Variants in STK39 observed in about 807,000 individuals in gnomAD.
The protein encoded by STK39 is serine/threonine kinase 39.
A neutral mutation model predicts 77.8 loss-of-function variants in STK39; 20 were observed. That is an observed-to-expected ratio of 0.26 (90% confidence interval 0.18 to 0.37). The LOEUF is 0.37. STK39 is among the 10% of genes least tolerant of loss of function. STK39 has a pLI of 1.00. For missense variants in STK39, 479 were observed against 656.5 expected (o/e 0.73, Z 2.95); for synonymous variants, 246 against 234.1 (o/e 1.05, Z -0.47).
chr2:168,227,818 C>T (rs1420272209), intron 1 of STK39, among the ~76,000 whole-genome samples: 1 of 152,058 alleles, frequency 6.6e-6, no homozygotes, highest in African/African-American at 2.4e-5. Flanking sequence ...CCACCACTCT[C>T]GGCTAATTTT....
intron 2 of STK39, among the ~76,000 whole-genome samples, chr2:168,177,805 C>G (rs1688990816): frequency 6.6e-6 from 1 of 152,170 alleles, no homozygotes; most frequent in Non-Finnish European, 1.5e-5. Flanking sequence ...ATGGGTCAGA[C>G]CCATTGGGCA....
intron 5 of STK39, among the ~76,000 whole-genome samples, chr2:168,140,977 C>T (rs1471467576): frequency 2.6e-5 from 4 of 152,020 alleles, no homozygotes; most frequent in Admixed American, 6.6e-5. Context: ...ACAAGCCTGC[C>T]GGTCCAAAAG....
intron 1 of STK39, among the ~76,000 whole-genome samples, chr2:168,193,702 T>C (rs1454799630): frequency 1.3e-5 from 2 of 152,228 alleles, no homozygotes; most frequent in African/African-American, 4.8e-5. Context: ...GTGTTAGGAC[T>C]GTGTTGTATT....
chr2:168,229,724 A>G (rs1036796882), intron 1 of STK39, among the ~76,000 whole-genome samples: 4 of 152,214 alleles, frequency 2.6e-5, no homozygotes, highest in African/African-American at 7.2e-5. Context: ...TGTAGGTGGC[A>G]GGAGAAACAA....
chr2:167,958,808 C>T (rs1399650655), intron 17 of STK39, among the ~76,000 whole-genome samples: 1 of 152,188 alleles, frequency 6.6e-6, no homozygotes, highest in African/African-American at 2.4e-5. Context: ...ACCCTGTTAC[C>T]TTAAAATCTA....
At chr2:167,976,074 A>G (rs1381015778) in intron 16 of STK39, among the ~76,000 whole-genome samples, 3 of 152,204 alleles carry the variant, frequency 2.0e-5, no homozygotes, top group Admixed American at 1.3e-4. Flanking sequence ...ATACAAATCT[A>G]TGGCTCTCCA....
At chr2:168,019,102 C>T (rs1684506342) in intron 14 of STK39, among the ~76,000 whole-genome samples, 1 of 151,966 alleles carries the variant, frequency 6.6e-6, no homozygotes, top group Non-Finnish European at 1.5e-5. Flanking sequence ...CCCCTCAGGG[C>T]TAAAATGGGA....
At position 168,065,386 on chromosome 2, in the gene STK39, T is replaced by G; in HGVS notation, c.1243-5A>C. On this transcript the variant is annotated splice_polypyrimidine_tract_variant and splice_region_variant and intron_variant, in intron 12 of 17. Transcript: ENST00000355999. ...GGTGCTGGCACTCACTGCAATCTGT[T>G]ACGAGAGCCACCGTTACAGCATTCA... 1 of 1,614,012 alleles carries G rather than the reference T, an allele frequency of 6.2e-7. No individual in the cohort carries two copies. The highest frequency in any genetic ancestry group is 8.5e-7 in the Non-Finnish European group (1 of 1,179,884).
chr2:168,013,008 C>T lies in STK39; in HGVS notation c.1430-306G>A, dbSNP rs562000428. 2.6e-5 allele frequency among the ~76,000 whole-genome samples: 4 copies of T among 152,332 alleles called. No individual in the cohort carries two copies. The South Asian group carries it at 8.3e-4, about 32-fold the overall frequency. On this transcript the variant is annotated intron_variant, in intron 15 of 17. Transcript: ENST00000355999. ...TCAAATGCACCTCCAGAAGTTATAA[C>T]TGTTCCCTATGACACTGCTTTTCTT...
intron 8 of STK39, 87 bp from the exon 9 acceptor site, chr2:168,129,845 T>G (rs1020995097): frequency 2.7e-6 from 4 of 1,474,444 alleles, no homozygotes; most frequent in Non-Finnish European, 3.8e-6. Flanking sequence ...CTTAAGAGTA[T>G]TTCTGGAAGA....
chr2:168,070,043 A>C (rs1207986408), intron 12 of STK39, among the ~76,000 whole-genome samples: 18 of 152,226 alleles, frequency 1.2e-4, no homozygotes, highest in Admixed American at 1.2e-3. Context: ...TATTTTTGAC[A>C]AAAAGAGATT....
chr2:168,097,267 AT>A (rs1391860326), intron 10 of STK39, among the ~76,000 whole-genome samples: 6 of 152,346 alleles, frequency 3.9e-5, no homozygotes, highest in African/African-American at 7.2e-5. Flanking sequence ...AGTTGACTGT[AT>A]TTGTTCATGT....
At chr2:168,153,582 T>C (rs1360156296) in intron 5 of STK39, among the ~76,000 whole-genome samples, 1 of 148,688 alleles carries the variant, frequency 6.7e-6, no homozygotes. Context: ...TGATAGAGAG[T>C]ACGCTGATGT....
chr2:167,973,036 A>T (rs938115457), intron 16 of STK39, among the ~76,000 whole-genome samples: 7 of 152,230 alleles, frequency 4.6e-5, no homozygotes, highest in Non-Finnish European at 7.3e-5. Flanking sequence ...TTAAAAAATT[A>T]AAAACTGACA....
At chr2:168,035,339 A>G (rs1684924681) in intron 14 of STK39, among the ~76,000 whole-genome samples, 1 of 152,244 alleles carries the variant, frequency 6.6e-6, no homozygotes, top group Non-Finnish European at 1.5e-5. Context: ...ACAAATATAT[A>G]GCTACTACTT....
chr2:168,069,687 G>A (rs77565840), intron 12 of STK39, among the ~76,000 whole-genome samples: 18,293 of 152,278 alleles, frequency 0.12, 1,409 homozygotes, highest in Non-Finnish European at 0.17. Context: ...TTCCTAGCCA[G>A]TCCTTGATCC....
At chr2:168,197,904 G>A (rs544553171) in intron 1 of STK39, among the ~76,000 whole-genome samples, 18 of 152,106 alleles carry the variant, frequency 1.2e-4, no homozygotes, top group Admixed American at 7.9e-4. Flanking sequence ...CAGGCATGGT[G>A]GTGGGTGCCT....
chr2:168,036,567 T>C (rs148436878), intron 14 of STK39, among the ~76,000 whole-genome samples: 155 of 152,224 alleles, frequency 1.0e-3, no homozygotes, highest in African/African-American at 3.4e-3. Flanking sequence ...AATTAGACAA[T>C]AGGTTCAGGA....
chr2:167,956,773 C>T (rs1691797323), intron 17 of STK39, among the ~76,000 whole-genome samples: 1 of 140,906 alleles, frequency 7.1e-6, no homozygotes, highest in Admixed American at 7.4e-5. Flanking sequence ...TGCCTCTCAT[C>T]CTATAGTACA....
Sources: allele counts gnomAD v4.1 joint callset (sites outside exome capture counted in the v4.1 genomes callset), GRCh38; gene constraint gnomAD v4.1.1; transcripts MANE v1.5; gene names NCBI Gene and HGNC (gene_info 2026-07-23, HGNC 2026-07-21).